APBA1: variants seen among roughly 807,000 people sequenced by gnomAD.
The protein encoded by APBA1 is amyloid beta precursor protein binding family A member 1, also known as amyloid-beta A4 precursor protein-binding family A member 1.
Under a neutral mutation model 86.6 loss-of-function variants are expected in APBA1, and 55 were observed. The observed-to-expected ratio is 0.64, with a 90% CI of 0.51 to 0.80. APBA1 has a LOEUF of 0.80. Among genes scored for constraint, APBA1 ranks in the 30% least tolerant of loss-of-function variants. APBA1 has a pLI of 0.00. For missense variants in APBA1, 1,090 were observed against 1,183.0 expected, an observed-to-expected ratio of 0.92 and a Z score of 1.15; for synonymous variants, 511 against 493.9, an observed-to-expected ratio of 1.03 and a Z score of -0.46.
At chr9:69,631,763 G>A (rs1823051658) in intron 1 of APBA1, among the ~76,000 whole-genome samples, 2 of 152,206 alleles carry the variant, frequency 1.3e-5, no homozygotes, top group African/African-American at 4.8e-5. Context: ...GTAGGAACAT[G>A]GATGAAGCTG....
chr9:69,456,050 T>C (rs552634098), intron 8 of APBA1, among the ~76,000 whole-genome samples, 197 bp downstream of exon 8: 18 of 152,336 alleles, frequency 1.2e-4, no homozygotes, highest in Admixed American at 1.0e-3. Context: ...CCTATTGATT[T>C]TCTGCCTCCT....
In APBA1 at chr9:69,560,300, T is replaced by A. The variant is rs1257470766; in HGVS notation, c.-69-43021A>T. Among the ~76,000 whole-genome samples the A allele has an allele frequency of 2.0e-5, 3 of 152,204 alleles. 1 individual carries two copies. The highest frequency in any genetic ancestry group is 2.0e-4 in the Admixed American group (3 of 15,278). On this transcript the variant is annotated intron_variant, in intron 1 of 12. Coordinates refer to ENST00000265381, the MANE Select transcript of APBA1 (RefSeq NM_001163.4). The stretch of plus-strand genomic sequence containing the variant: ...TTTAACCAATTTTTCTATTTGAGGT[T>A]AAAGGAGACTCTGCATGGACTTTGT...
chr9:69,491,764 ATTT>A lies in APBA1; in HGVS notation c.1201-15624_1201-15622del, dbSNP rs151248069. 5.0e-3 allele frequency among the ~76,000 whole-genome samples: 658 copies of A among 132,418 alleles called. 5 individuals are homozygous for A. Among genetic ancestry groups the A allele is most frequent in the Non-Finnish European group, 7.4e-3 (458 of 61,824 alleles). The allele number at this position is 132,418 out of a possible 152,430, so 86.9% of individuals were successfully genotyped here. A position where few individuals can be genotyped will look rare whatever the true frequency, so the allele number is the denominator to read the frequency against. On this transcript the variant is annotated intron_variant, in intron 2 of 12. Coordinates refer to ENST00000265381, the MANE Select transcript of APBA1 (RefSeq NM_001163.4). ...TAGTTACATTTCATTTATCCCTTGAATTTTTTTTTTTTTTTTTTGAGATGGAGT... is the reference window on the plus strand; with the variant it reads ...TAGTTACATTTCATTTATCCCTTGAATTTTTTTTTTTTTTTGAGATGGAGT...
In APBA1 at chr9:69,452,301, C is replaced by G; in HGVS notation, c.1789G>C (p.Ala597Pro). 1.2e-6 allele frequency: 2 copies of G among 1,613,824 alleles called. No individual in the cohort carries two copies. Among genetic ancestry groups the G allele is most frequent in the Non-Finnish European group, 1.7e-6 (2 of 1,179,834 alleles). The change falls in exon 9 of 13, where the codon GCT becomes CCT. Residue 597 changes from alanine to proline, a missense_variant and splice_region_variant. Ala to Pro is a conservative substitution (Grantham distance 27, BLOSUM62 -1). Transcript: ENST00000265381. ...MICHVFESED[A>P]QLIAQSIGQA... Reference sequence around the variant, plus strand: ...CCGATGGACTGTGCAATCAGCTGAGCCTGGAACAGCAGCCAGAGAGGAAAG... The same window carrying G: ...CCGATGGACTGTGCAATCAGCTGAGGCTGGAACAGCAGCCAGAGAGGAAAG...
intron 11 of APBA1, among the ~76,000 whole-genome samples, chr9:69,434,784 C>T (rs1224208893): frequency 6.6e-6 from 1 of 151,282 alleles, no homozygotes; most frequent in African/African-American, 2.4e-5. Context: ...CTAAAATGTC[C>T]ACTTTAACGT....
intron 1 of APBA1, among the ~76,000 whole-genome samples, chr9:69,536,992 G>C (rs972717663): frequency 6.7e-6 from 1 of 149,736 alleles, no homozygotes; most frequent in African/African-American, 2.4e-5. Context: ...AGAAAAAAAG[G>C]CAAAAAAGAA....
intron 1 of APBA1, among the ~76,000 whole-genome samples, chr9:69,612,732 G>T (rs975471082): frequency 2.6e-5 from 4 of 151,882 alleles, no homozygotes; most frequent in African/African-American, 9.7e-5. Context: ...GAGAAAAATT[G>T]TAAGAAAAAC....
chr9:69,502,287 T>C (rs1289977805), intron 2 of APBA1, among the ~76,000 whole-genome samples: 1 of 152,078 alleles, frequency 6.6e-6, no homozygotes, highest in Non-Finnish European at 1.5e-5. Context: ...GGGAGACACC[T>C]GCCAGGCAAC....
At chr9:69,629,278 C>T (rs75091911) in intron 1 of APBA1, among the ~76,000 whole-genome samples, 2 of 152,140 alleles carry the variant, frequency 1.3e-5, no homozygotes, top group Non-Finnish European at 2.9e-5. Flanking sequence ...TTTAACTTCA[C>T]ATTATGATTA....
chr9:69,484,943 G>A (rs1835582439), intron 2 of APBA1, among the ~76,000 whole-genome samples: 1 of 151,772 alleles, frequency 6.6e-6, no homozygotes, highest in African/African-American at 2.4e-5. Context: ...CTAGTGTTGT[G>A]TGTAGAATAT....
intron 1 of APBA1, among the ~76,000 whole-genome samples, chr9:69,543,984 T>A (rs1419958130): frequency 1.3e-5 from 2 of 152,220 alleles, no homozygotes; most frequent in African/African-American, 4.8e-5. Flanking sequence ...AATTTCCTTC[T>A]GGATAAAACA....
At chr9:69,636,914 G>GGAAGGAAA (rs1823181811) in intron 1 of APBA1, among the ~76,000 whole-genome samples, 4 of 98,714 alleles carry the variant, frequency 4.1e-5, no homozygotes, top group Non-Finnish European at 6.3e-5. Context: ...AAGGAAGGAA[G>GGAAGGAAA]GAAGGAAGGA....
At chr9:69,460,641 TG>T (rs1835175959) in intron 5 of APBA1, 1 of 151,528 alleles carries the variant, frequency 6.6e-6, no homozygotes, top group Non-Finnish European at 1.5e-5. Context: ...CCACCATCAC[TG>T]GAGTACCCAA....
chr9:69,436,325 G>C (rs1834718927), intron 11 of APBA1, among the ~76,000 whole-genome samples: 1 of 150,832 alleles, frequency 6.6e-6, no homozygotes, highest in African/African-American at 2.4e-5. Flanking sequence ...GAAAGTCATT[G>C]GTAGCTTGAT....
chr9:69,644,568 T>C (rs1350000924), intron 1 of APBA1, among the ~76,000 whole-genome samples: 1 of 152,182 alleles, frequency 6.6e-6, no homozygotes, highest in African/African-American at 2.4e-5. Context: ...CAGAGTCCCA[T>C]TTGTAAGAAG....
intron 1 of APBA1, among the ~76,000 whole-genome samples, chr9:69,555,942 G>T (rs1477438531): frequency 6.6e-6 from 1 of 152,094 alleles, no homozygotes; most frequent in Non-Finnish European, 1.5e-5. Flanking sequence ...GTTTGTTTAT[G>T]ACTCAGGTGC....
chr9:69,670,189 C>T (rs1823920570), intron 1 of APBA1, among the ~76,000 whole-genome samples: 1 of 152,004 alleles, frequency 6.6e-6, no homozygotes, highest in African/African-American at 2.4e-5. Flanking sequence ...ACATAGACAG[C>T]TTCAAGAGCA....
intron 1 of APBA1, among the ~76,000 whole-genome samples, chr9:69,600,950 C>T (rs546591599): frequency 1.3e-5 from 2 of 151,742 alleles, no homozygotes; most frequent in Non-Finnish European, 2.9e-5. Flanking sequence ...CTTGCTAACA[C>T]ACAATAAAAA....
chr9:69,473,313 C>G (rs1032957662), intron 3 of APBA1, among the ~76,000 whole-genome samples: 29 of 152,188 alleles, frequency 1.9e-4, no homozygotes, highest in Admixed American at 3.9e-4. Context: ...AGAAAAAAAC[C>G]CTCATAACTT....
Sources: gnomAD v4.1 joint callset for allele counts (sites outside exome capture counted in the v4.1 genomes callset) on GRCh38, gnomAD v4.1.1 for gene constraint, MANE v1.5 for transcripts, NCBI Gene and HGNC (gene_info 2026-07-23, HGNC 2026-07-21) for gene names.